RSU1: variants seen among roughly 807,000 people sequenced by gnomAD.
RSU1 encodes rsu-1.
A neutral mutation model predicts 31.1 loss-of-function variants in RSU1; 26 were observed. That is an observed-to-expected ratio of 0.84 (90% CI 0.61 to 1.16). The LOEUF is 1.16. RSU1 is among the 50% of genes most tolerant of loss of function. The probability of loss-of-function intolerance (pLI) is 0.00; values close to 1 mark genes in which losing one functional copy is unlikely to be tolerated. For missense variants in RSU1, 320 were observed against 339.1 expected (o/e 0.94, Z 0.44); for synonymous variants, 164 against 136.3 (o/e 1.20, Z -1.41).
intron 2 of RSU1, among the ~76,000 whole-genome samples, chr10:16,792,570 G>A (rs1290222576): frequency 6.6e-6 from 1 of 152,198 alleles, no homozygotes; most frequent in African/African-American, 2.4e-5. Flanking sequence ...AATGTAACAT[G>A]CTGGAAGAAC....
At chr10:16,703,448 T>G (rs1835836333) in intron 7 of RSU1, among the ~76,000 whole-genome samples, 1 of 152,174 alleles carries the variant, frequency 6.6e-6, no homozygotes, top group Non-Finnish European at 1.5e-5. Context: ...GTAATAAATT[T>G]ATGCGGAGGA....
intron 7 of RSU1, among the ~76,000 whole-genome samples, chr10:16,752,295 G>A (rs1199662366): frequency 1.3e-5 from 2 of 152,092 alleles, no homozygotes; most frequent in Admixed American, 6.6e-5. Context: ...GAGCTGAGCG[G>A]GGTCATCTTT....
At chr10:16,703,219 T>G (rs1459603442) in intron 7 of RSU1, among the ~76,000 whole-genome samples, 2 of 152,178 alleles carry the variant, frequency 1.3e-5, no homozygotes, top group Non-Finnish European at 2.9e-5. Flanking sequence ...CAATTAAACC[T>G]CTGTTCTTTA....
chr10:16,750,043 T>A (rs1474678614), intron 7 of RSU1, among the ~76,000 whole-genome samples: 1 of 152,198 alleles, frequency 6.6e-6, no homozygotes, highest in African/African-American at 2.4e-5. Flanking sequence ...AGTGTCCTCA[T>A]CTTTAAAAAG....
intron 8 of RSU1, among the ~76,000 whole-genome samples, chr10:16,646,028 ATATGTG>A (rs1399156153): frequency 2.7e-5 from 2 of 74,038 alleles, no homozygotes; most frequent in East Asian, 7.5e-4. Flanking sequence ...ATGTGTATAT[ATATGTG>A]TATATACATA....
At chr10:16,609,882 G>A (rs945745499) in intron 8 of RSU1, among the ~76,000 whole-genome samples, 1 of 152,114 alleles carries the variant, frequency 6.6e-6, no homozygotes, top group African/African-American at 2.4e-5. Flanking sequence ...CGTCCAATTT[G>A]CAGAGACACA....
intron 8 of RSU1, among the ~76,000 whole-genome samples, chr10:16,662,506 C>A (rs895338271): frequency 6.6e-6 from 1 of 152,174 alleles, no homozygotes; most frequent in Non-Finnish European, 1.5e-5. Flanking sequence ...ACACTGACAC[C>A]TTTTGCCTGT....
intron 7 of RSU1, among the ~76,000 whole-genome samples, chr10:16,710,744 T>G (rs1588485472): frequency 6.6e-6 from 1 of 152,210 alleles, no homozygotes; most frequent in African/African-American, 2.4e-5. Flanking sequence ...GGTATACATG[T>G]GTCATGGTGG....
rs549575071 is a variant in RSU1 at position 16,635,976 on chromosome 10, C to A, written c.732-42480G>T. On this transcript the variant is annotated intron_variant, in intron 8 of 8. Coordinates refer to ENST00000345264, the MANE Select transcript of RSU1 (RefSeq NM_012425.4). Reference sequence around the variant, plus strand: ...CTCAACTCCCTTGGTTTCCAGGACACTGCGCCCTCTCGGTTTTCTTCATGA... The same window carrying A: ...CTCAACTCCCTTGGTTTCCAGGACAATGCGCCCTCTCGGTTTTCTTCATGA... 1.8e-4 allele frequency among the ~76,000 whole-genome samples: 28 copies of A among 152,312 alleles called. 1 individual carries two copies. In the South Asian group the frequency reaches 5.6e-3, roughly 30 times the overall value.
chr10:16,604,168 C>T (rs1564283079), intron 8 of RSU1, among the ~76,000 whole-genome samples: 2 of 152,268 alleles, frequency 1.3e-5, no homozygotes, highest in South Asian at 2.1e-4. Flanking sequence ...CACCCCAAAA[C>T]TTGAACGTAT....
At chr10:16,810,654 G>A (rs917780326) in intron 2 of RSU1, among the ~76,000 whole-genome samples, 10 of 152,184 alleles carry the variant, frequency 6.6e-5, no homozygotes, top group Non-Finnish European at 1.5e-4. Context: ...CCACTGAGAA[G>A]TACCATCACC....
intron 2 of RSU1, among the ~76,000 whole-genome samples, chr10:16,782,360 CG>C (rs1414902590): frequency 2.0e-5 from 3 of 152,320 alleles, no homozygotes; most frequent in Admixed American, 6.5e-5. Flanking sequence ...GTTAGCTCTG[CG>C]TGGCGCCCCG....
chr10:16,734,115 T>A (rs1012671671), intron 7 of RSU1, among the ~76,000 whole-genome samples: 1 of 152,258 alleles, frequency 6.6e-6, no homozygotes. Flanking sequence ...GCAATTTATA[T>A]AACTGACTGC....
At chr10:16,649,259 T>G (rs1834635096) in intron 8 of RSU1, among the ~76,000 whole-genome samples, 1 of 152,206 alleles carries the variant, frequency 6.6e-6, no homozygotes, top group South Asian at 2.1e-4. Flanking sequence ...ATTCAGCATG[T>G]ATGAAAACGA....
chr10:16,773,775 C>A (rs1186625943), intron 3 of RSU1, among the ~76,000 whole-genome samples: 1 of 152,112 alleles, frequency 6.6e-6, no homozygotes. Context: ...CCACACAGTG[C>A]TGGTTCAGTT....
rs148377207 is a variant in RSU1 at position 16,727,935 on chromosome 10, T to C, written c.598+24604A>G. Reference sequence around the variant, plus strand: ...AAGATCCGAAACACCACCACAAACTTAAAAAAATTATCTACAGAAAAACTA... The same window carrying C: ...AAGATCCGAAACACCACCACAAACTCAAAAAAATTATCTACAGAAAAACTA... On this transcript the variant is annotated intron_variant, in intron 7 of 8. Transcript: ENST00000345264. Among the ~76,000 whole-genome samples, 203 of 152,024 alleles carry C rather than the reference T, an allele frequency of 1.3e-3. 1 individual carries two copies. In the East Asian group the frequency reaches 0.026, roughly 20 times the overall value.
intron 2 of RSU1, among the ~76,000 whole-genome samples, chr10:16,793,995 G>C (rs558312274): frequency 6.6e-6 from 1 of 151,956 alleles, no homozygotes; most frequent in African/African-American, 2.4e-5. Context: ...TTCATTGAGC[G>C]CCTCAATAGA....
intron 7 of RSU1, chr10:16,721,832 G>A (rs1836270345): frequency 6.6e-6 from 1 of 152,082 alleles, no homozygotes; most frequent in Non-Finnish European, 1.5e-5. Context: ...TACCCTCTCT[G>A]CATCTCAGTT....
chr10:16,724,335 T>A (rs1335417772), intron 7 of RSU1, among the ~76,000 whole-genome samples: 1 of 152,162 alleles, frequency 6.6e-6, no homozygotes, highest in African/African-American at 2.4e-5. Context: ...TAAAATATAA[T>A]AAAATGGTTT....
Sources: gnomAD v4.1 joint callset for allele counts (sites outside exome capture counted in the v4.1 genomes callset) on GRCh38, gnomAD v4.1.1 for gene constraint, MANE v1.5 for transcripts, NCBI Gene and HGNC (gene_info 2026-07-23, HGNC 2026-07-21) for gene names.